SLC25A21: variants seen among roughly 807,000 people sequenced by gnomAD.
SLC25A21 encodes mitochondrial 2-oxodicarboxylate carrier.
In SLC25A21, 47 loss-of-function variants were observed where a neutral mutation model predicts 43.8. The observed-to-expected ratio is 1.07, with a 90% CI of 0.85 to 1.37. SLC25A21 has a LOEUF of 1.37. Ranked by LOEUF, SLC25A21 falls within the 40% of genes most tolerant of loss-of-function variation. The probability of loss-of-function intolerance (pLI) is 0.00; values close to 1 mark genes in which losing one functional copy is unlikely to be tolerated. For synonymous variants in SLC25A21, 131 were observed against 121.3 expected (o/e 1.08, Z -0.52); for missense variants, 352 against 350.2 (o/e 1.00, Z -0.04).
chr14:36,789,139 T>C (rs182550028), intron 3 of SLC25A21, among the ~76,000 whole-genome samples: 1 of 152,346 alleles, frequency 6.6e-6, no homozygotes, highest in Admixed American at 6.5e-5. Flanking sequence ...CATACAAATA[T>C]TAACTTGACG....
intron 7 of SLC25A21, among the ~76,000 whole-genome samples, chr14:36,693,414 G>T (rs1882877624): frequency 6.6e-6 from 1 of 152,056 alleles, no homozygotes. Flanking sequence ...GGGGAAGCTA[G>T]GATGACAGAT....
At chr14:37,051,321 CATGACT>C (rs1425475873) in intron 1 of SLC25A21, among the ~76,000 whole-genome samples, 1 of 152,176 alleles carries the variant, frequency 6.6e-6, no homozygotes, top group African/African-American at 2.4e-5. Flanking sequence ...CTTGGAACAG[CATGACT>C]GGTTCTGGAA....
At chr14:36,708,957 CT>C (rs1214243661) in intron 7 of SLC25A21, among the ~76,000 whole-genome samples, 2 of 151,578 alleles carry the variant, frequency 1.3e-5, no homozygotes, top group African/African-American at 4.8e-5. Context: ...AAAGTTTGTG[CT>C]TGTGGATTTT....
intron 1 of SLC25A21, among the ~76,000 whole-genome samples, chr14:37,030,403 C>G (rs1248337636): frequency 6.6e-6 from 1 of 152,130 alleles, no homozygotes; most frequent in Admixed American, 6.5e-5. Context: ...TGATCTCTCT[C>G]TAGCTCTCAG....
rs537458049 is a variant in SLC25A21 at position 37,073,930 on chromosome 14, C to CAA, written c.70+98349_70+98350dup. Among the ~76,000 whole-genome samples the CAA allele has an allele frequency of 9.9e-4, 143 of 144,754 alleles. 1 individual carries two copies. The highest frequency in any genetic ancestry group is 3.3e-3 in the African/African-American group (134 of 40,388). 95.0% of individuals were successfully genotyped at this position (144,754 alleles called of 152,430 possible). A position where few individuals can be genotyped will look rare whatever the true frequency, so the allele number is the denominator to read the frequency against. Reference sequence around the variant, plus strand: ...ATGCTTTCTGCCTTTCTTCTAGATCCAAAAAAAAAAAATCATTTTGTGCAT... The same window carrying CAA: ...ATGCTTTCTGCCTTTCTTCTAGATCCAAAAAAAAAAAAAATCATTTTGTGCAT... On this transcript the variant is annotated intron_variant, in intron 1 of 9. Transcript: ENST00000331299.
chr14:37,025,760 T>C (rs945887763), intron 1 of SLC25A21, among the ~76,000 whole-genome samples: 2 of 152,146 alleles, frequency 1.3e-5, no homozygotes, highest in African/African-American at 4.8e-5. Flanking sequence ...AGGCTGAACT[T>C]CAGACATAGA....
chr14:36,972,121 A>G (rs929980540), intron 1 of SLC25A21, among the ~76,000 whole-genome samples: 4 of 152,218 alleles, frequency 2.6e-5, no homozygotes, highest in Admixed American at 6.5e-5. Flanking sequence ...ATACACACAT[A>G]CATACCATTG....
chr14:37,046,695 T>G lies in SLC25A21; in HGVS notation c.70+125586A>C, dbSNP rs1961594098. 2.0e-5 allele frequency among the ~76,000 whole-genome samples: 3 copies of G among 152,214 alleles called. No individual in the cohort carries two copies. The South Asian group carries it at 6.2e-4, about 32-fold the overall frequency. On this transcript the variant is annotated intron_variant, in intron 1 of 9. Transcript: ENST00000331299. ...TCCATGAAGCAGATGTTGGATTGATTTCTTAAACCCTGTATACACATTCAT... is the reference window on the plus strand; with the variant it reads ...TCCATGAAGCAGATGTTGGATTGATGTCTTAAACCCTGTATACACATTCAT...
intron 1 of SLC25A21, among the ~76,000 whole-genome samples, chr14:37,000,374 C>G (rs1290224265): frequency 6.6e-6 from 1 of 152,134 alleles, no homozygotes; most frequent in Non-Finnish European, 1.5e-5. Context: ...TCTGAATTAT[C>G]CTTTGCAGGT....
At chr14:36,718,538 CA>C (rs1884243143) in intron 6 of SLC25A21, among the ~76,000 whole-genome samples, 1 of 152,182 alleles carries the variant, frequency 6.6e-6, no homozygotes, top group Non-Finnish European at 1.5e-5. Context: ...GAGATGATCA[CA>C]AAATACAGCC....
At chr14:37,162,170 G>A (rs977072945) in intron 1 of SLC25A21, among the ~76,000 whole-genome samples, 13 of 152,124 alleles carry the variant, frequency 8.5e-5, no homozygotes, top group Admixed American at 2.6e-4. Flanking sequence ...CAACCCTGCC[G>A]ACGAAAGAAG....
intron 1 of SLC25A21, among the ~76,000 whole-genome samples, chr14:37,132,591 A>G (rs1193244504): frequency 6.6e-6 from 1 of 151,632 alleles, no homozygotes; most frequent in East Asian, 1.9e-4. Context: ...CTTCCACGGC[A>G]CTCTTTTCTT....
At chr14:36,785,772 G>A (rs1483596143) in intron 3 of SLC25A21, among the ~76,000 whole-genome samples, 1 of 152,144 alleles carries the variant, frequency 6.6e-6, no homozygotes, top group Admixed American at 6.5e-5. Flanking sequence ...GACGGTGCAA[G>A]AACAGACATG....
intron 4 of SLC25A21, 71 bp downstream of exon 4, chr14:36,734,435 CT>C (rs1594535211): frequency 9.4e-7 from 1 of 1,061,546 alleles, no homozygotes. Flanking sequence ...ATTTTAATGT[CT>C]TAAGAGTTTG....
intron 1 of SLC25A21, among the ~76,000 whole-genome samples, chr14:36,957,779 A>G (rs1236118792): frequency 6.6e-6 from 1 of 152,234 alleles, no homozygotes; most frequent in African/African-American, 2.4e-5. Context: ...GTAACTCACT[A>G]TGTCCACTTA....
At chr14:37,143,117 G>T (rs1443761798) in intron 1 of SLC25A21, among the ~76,000 whole-genome samples, 1 of 152,142 alleles carries the variant, frequency 6.6e-6, no homozygotes, top group Non-Finnish European at 1.5e-5. Flanking sequence ...AAAACAGTTT[G>T]CCTGTTTTAA....
At chr14:36,906,457 T>C (rs1469603768) in intron 1 of SLC25A21, among the ~76,000 whole-genome samples, 5 of 151,702 alleles carry the variant, frequency 3.3e-5, no homozygotes, top group Non-Finnish European at 5.9e-5. Context: ...CTCTAATGCA[T>C]GGATGATGAA....
At chr14:37,158,533 C>G (rs534855815) in intron 1 of SLC25A21, among the ~76,000 whole-genome samples, 2 of 152,198 alleles carry the variant, frequency 1.3e-5, no homozygotes, top group South Asian at 4.1e-4. Flanking sequence ...ATTCACCATA[C>G]TTTCTTGATA....
rs1297099455 is a variant in SLC25A21 at position 36,966,981 on chromosome 14, T to C, written c.71-91977A>G. 2.0e-5 allele frequency among the ~76,000 whole-genome samples: 3 copies of C among 152,202 alleles called. No homozygotes were observed. In the East Asian group the frequency reaches 5.8e-4, roughly 29 times the overall value. Reference sequence around the variant, plus strand: ...TATAGGTATACTTTATTTCTCTATATAGAAATATATATATGTATATCCCCT... The same window carrying C: ...TATAGGTATACTTTATTTCTCTATACAGAAATATATATATGTATATCCCCT... On this transcript the variant is annotated intron_variant, in intron 1 of 9. Coordinates refer to ENST00000331299, the MANE Select transcript of SLC25A21 (RefSeq NM_030631.4).
Sources: allele counts gnomAD v4.1 joint callset (sites outside exome capture counted in the v4.1 genomes callset), GRCh38; gene constraint gnomAD v4.1.1; transcripts MANE v1.5; gene names NCBI Gene and HGNC (gene_info 2026-07-23, HGNC 2026-07-21).